PCDHA5: variants seen among roughly 807,000 people sequenced by gnomAD.
The protein encoded by PCDHA5 is protocadherin alpha-5.
PCDHA5 carries 43 observed loss-of-function variants against 61.6 expected under a neutral mutation model. The observed-to-expected ratio is 0.70, with a 90% CI of 0.55 to 0.90. PCDHA5 has a LOEUF of 0.90. Ranked by LOEUF, PCDHA5 falls within the 40% of genes least tolerant of loss-of-function variation. The pLI is 0.00. For missense variants in PCDHA5, 1,298 were observed against 1,222.7 expected (o/e 1.06, Z -0.92); for synonymous variants, 627 against 543.9 (o/e 1.15, Z -2.13).
At chr5:140,911,892 G>A (rs2075679347) in intron 1 of PCDHA5, among the ~76,000 whole-genome samples, 1 of 152,176 alleles carries the variant, frequency 6.6e-6, no homozygotes. Flanking sequence ...ACCAAAATCT[G>A]TATTAGTCAG....
intron 1 of PCDHA5, among the ~76,000 whole-genome samples, chr5:140,978,710 A>G (rs576055391): frequency 1.3e-5 from 2 of 152,378 alleles, no homozygotes; most frequent in East Asian, 3.9e-4. Flanking sequence ...GGTGGCCTTT[A>G]CAAGATTATT....
chr5:140,983,211 T>C (rs1429696975), intron 3 of PCDHA5, among the ~76,000 whole-genome samples: 1 of 152,204 alleles, frequency 6.6e-6, no homozygotes, highest in African/African-American at 2.4e-5. Context: ...AGGGACTATT[T>C]CCTAATCCAA....
chr5:140,941,214 C>CCTTCCTTTCTTTCTTT (rs1554214040), intron 1 of PCDHA5, among the ~76,000 whole-genome samples: 12 of 122,414 alleles, frequency 9.8e-5, no homozygotes, highest in Admixed American at 6.8e-4. Flanking sequence ...TTTCTTTCTT[C>CCTTCCTTTCTTTCTTT]CTTTCTTTCT....
At chr5:140,830,197 C>T (rs2150182627) in intron 1 of PCDHA5, 4 of 1,613,722 alleles carry the variant, frequency 2.5e-6, no homozygotes, top group Non-Finnish European at 3.4e-6. Context: ...ACCTGATCAT[C>T]GCCATCTGCG....
intron 3 of PCDHA5, among the ~76,000 whole-genome samples, chr5:140,992,128 G>GACTGATGAT (rs2097493639): frequency 6.6e-6 from 1 of 151,816 alleles, no homozygotes; most frequent in Non-Finnish European, 1.5e-5. Context: ...GAAGAACAGT[G>GACTGATGAT]ACTGATGATG....
In PCDHA5 at chr5:140,844,489, A is replaced by G. The variant is rs914075659; in HGVS notation, c.2352+20362A>G. The stretch of plus-strand genomic sequence containing the variant: ...TTTTTTGAGCCTCTATGTTTAGGAA[A>G]TGATTACTTTATTCTTGCAAGTATC... On this transcript the variant is annotated intron_variant, in intron 1 of 3. Coordinates refer to ENST00000529859, the MANE Select transcript of PCDHA5 (RefSeq NM_018908.3). Among the ~76,000 whole-genome samples, 7 of 149,414 alleles carry G rather than the reference A, an allele frequency of 4.7e-5. No individual in the cohort carries two copies. In the South Asian group the frequency reaches 1.5e-3, roughly 32 times the overall value.
intron 1 of PCDHA5, chr5:140,857,158 A>G: frequency 6.3e-7 from 1 of 1,598,190 alleles, no homozygotes; most frequent in East Asian, 2.2e-5. Context: ...TCATTGCCCT[A>G]ATCAGCGTTT....
In PCDHA5 at chr5:141,010,472, A is replaced by G. The variant is rs2098417397; in HGVS notation, c.*535A>G. ...AGCGGAAGTTATCAGTATGGAGGGG[A>G]AGTGTAAACTTAAAGGGACCAGACT... On this transcript the variant is annotated 3_prime_UTR_variant, in exon 4 of 4. Transcript: ENST00000529859. The G allele has an allele frequency of 1.3e-6, 1 of 762,088 alleles. No homozygotes were observed. Among genetic ancestry groups the G allele is most frequent in the African/African-American group, 1.8e-5 (1 of 56,688 alleles). 47.2% of individuals were successfully genotyped at this position (762,088 alleles called of 1,614,324 possible).
At chr5:140,945,158 G>C in intron 1 of PCDHA5, among the ~76,000 whole-genome samples, 1 of 151,932 alleles carries the variant, frequency 6.6e-6, no homozygotes, top group Non-Finnish European at 1.5e-5. Flanking sequence ...ATACACTATT[G>C]AACTATCTGA....
intron 1 of PCDHA5, chr5:140,824,499 T>C (rs1768140720): frequency 3.1e-6 from 1 of 327,260 alleles, no homozygotes; most frequent in African/African-American, 2.2e-5. Context: ...CTTTGTTGCT[T>C]AGTCTGCAGT....
intron 1 of PCDHA5, among the ~76,000 whole-genome samples, chr5:140,911,895 T>C (rs1289494210): frequency 1.3e-5 from 2 of 152,184 alleles, no homozygotes; most frequent in East Asian, 3.8e-4. Flanking sequence ...AAAATCTGTA[T>C]TAGTCAGAGC....
rs190155701 is a variant in PCDHA5, at chr5:140,878,924, A to G, written c.2352+54797A>G. Among the ~76,000 whole-genome samples, 11 of 152,344 alleles carry G rather than the reference A, an allele frequency of 7.2e-5. No homozygotes were observed. The East Asian group carries it at 2.1e-3, about 29-fold the overall frequency. ...GCTCCACCACTCCCAGCTTCAATCA[A>G]TAATTTTAAATAAATATATGGTATT... On this transcript the variant is annotated intron_variant, in intron 1 of 3. Transcript: ENST00000529859.
chr5:140,849,798 C>T (rs1356253349), intron 1 of PCDHA5: 4 of 1,598,532 alleles, frequency 2.5e-6, no homozygotes, highest in Non-Finnish European at 3.4e-6. Context: ...CTCGCCTTCA[C>T]TGTGGGCCAC....
intron 1 of PCDHA5, chr5:140,876,828 G>T: frequency 1.2e-6 from 2 of 1,614,170 alleles, no homozygotes; most frequent in Non-Finnish European, 1.7e-6. Context: ...ACGACAATGC[G>T]CCTGCGTTCG....
chr5:140,840,189 G>A (rs2150304475), intron 1 of PCDHA5, among the ~76,000 whole-genome samples: 23 of 152,082 alleles, frequency 1.5e-4, no homozygotes, highest in African/African-American at 5.3e-4. Context: ...AATATGGTAG[G>A]CAAAGGAAAA....
At chr5:140,941,505 C>T (rs536733497) in intron 1 of PCDHA5, among the ~76,000 whole-genome samples, 11 of 151,390 alleles carry the variant, frequency 7.3e-5, no homozygotes, top group East Asian at 1.9e-4. Flanking sequence ...TTAGTAGAGA[C>T]GAGGTTTCAC....
Position 140,827,982 on chromosome 5 carries a change from G to A in PCDHA5, c.2352+3855G>A, listed in dbSNP as rs1466439579. ...TCTATTACTGCATCATTCCCTGACT[G>A]TTGAATGATGGCGGACGCAGAAGAA... On this transcript the variant is annotated intron_variant, in intron 1 of 3. Coordinates refer to ENST00000529859, the MANE Select transcript of PCDHA5 (RefSeq NM_018908.3). 4.2e-6 allele frequency: 6 copies of A among 1,434,114 alleles called. No individual in the cohort carries two copies. The African/African-American group carries it at 8.6e-5, about 20-fold the overall frequency. The allele number at this position is 1,434,114 out of a possible 1,614,324, so 88.8% of individuals were successfully genotyped here.
chr5:140,937,199 G>A (rs2091405017), intron 1 of PCDHA5, among the ~76,000 whole-genome samples: 2 of 151,792 alleles, frequency 1.3e-5, no homozygotes, highest in Admixed American at 6.6e-5. Context: ...CACCATGCCC[G>A]GCTAATTTTT....
intron 1 of PCDHA5, among the ~76,000 whole-genome samples, chr5:140,909,960 C>T (rs1419796014): frequency 6.6e-6 from 1 of 152,184 alleles, no homozygotes; most frequent in Non-Finnish European, 1.5e-5. Context: ...CGTAGGTCTC[C>T]ATGGGGAAGG....
Sources: gnomAD v4.1 joint callset for allele counts (sites outside exome capture counted in the v4.1 genomes callset) on GRCh38, gnomAD v4.1.1 for gene constraint, MANE v1.5 for transcripts, NCBI Gene and HGNC (gene_info 2026-07-23, HGNC 2026-07-21) for gene names.